Variants in SYNJ2 observed in about 807,000 individuals in gnomAD.
SYNJ2 encodes polyphosphatidylinositol phosphatase SYNJ2.
In SYNJ2, 116 loss-of-function variants were observed where a neutral mutation model predicts 141.3. That is an observed-to-expected ratio of 0.82 (90% CI 0.71 to 0.96). The LOEUF (loss-of-function observed/expected upper bound fraction) is 0.96, where lower values mean the gene tolerates loss of function less well. SYNJ2 is among the 40% of genes least tolerant of loss of function. The pLI, the probability that SYNJ2 is intolerant of heterozygous loss-of-function variation, is 0.00. For synonymous variants in SYNJ2, 745 were observed against 777.7 expected (o/e 0.96, Z 0.70); for missense variants, 1,873 against 1,934.8 (o/e 0.97, Z 0.60).
Position 158,072,769 on chromosome 6 carries a change from T to A in SYNJ2, c.2133+975T>A, listed in dbSNP as rs112640369. ...AAAAAAAAAGTCTAACCCTTCTCACTTAAAAATAGCTACTTTGGGGCCAGG... is the reference window on the plus strand; with the variant it reads ...AAAAAAAAAGTCTAACCCTTCTCACATAAAAATAGCTACTTTGGGGCCAGG... On this transcript the variant is annotated intron_variant, in intron 15 of 26. Transcript: ENST00000355585. 2.1e-3 allele frequency among the ~76,000 whole-genome samples: 314 copies of A among 151,250 alleles called. 2 individuals carry two copies. The highest frequency in any genetic ancestry group is 7.3e-3 in the African/African-American group (300 of 41,184).
chr6:157,985,337 A>C (rs1299336633), intron 1 of SYNJ2, among the ~76,000 whole-genome samples: 2 of 152,208 alleles, frequency 1.3e-5, no homozygotes, highest in Non-Finnish European at 1.5e-5. Context: ...ATTATTCCAA[A>C]TTCCTGCTTC....
intron 5 of SYNJ2, among the ~76,000 whole-genome samples, chr6:158,048,690 C>G (rs1175189490): frequency 6.6e-6 from 1 of 152,192 alleles, no homozygotes; most frequent in African/African-American, 2.4e-5. Context: ...CCACTCGGTG[C>G]TGTGCTGGCA....
chr6:158,063,980 A>T, intron 9 of SYNJ2, 108 bp downstream of exon 9: 1 of 1,155,846 alleles, frequency 8.7e-7, no homozygotes, highest in Non-Finnish European at 1.3e-6. Flanking sequence ...GGCATCACCA[A>T]GACAACCTTC....
At chr6:158,037,217 G>A (rs1034421894) in intron 4 of SYNJ2, among the ~76,000 whole-genome samples, 1 of 152,046 alleles carries the variant, frequency 6.6e-6, no homozygotes, top group East Asian at 1.9e-4. Context: ...CTGTCTCTTC[G>A]AAGTCCCCCT....
chr6:158,084,052 C>T lies in SYNJ2; in HGVS notation c.3086C>T (p.Pro1029Leu). Reference sequence around the variant, plus strand: ...TACTTGGTGGATGAATTCAATCAGCCTGGAGTCTCGGACAGTGAACTCGGG... The same window carrying T: ...TACTTGGTGGATGAATTCAATCAGCTTGGAGTCTCGGACAGTGAACTCGGG... ...EDYLVDEFNQPGVSDSELGGD... is the reference protein window; with the variant it reads ...EDYLVDEFNQLGVSDSELGGD... The change falls in exon 22 of 27, where the codon CCT becomes CTT. Residue 1029 changes from proline to leucine, a missense_variant. Physicochemically the swap from Pro to Leu is moderately conservative, Grantham distance 98. Transcript: ENST00000355585. The surrounding 1 kb of genome is among the most constrained non-coding windows in gnomAD (Gnocchi z 5.0). 6.2e-7 allele frequency: 1 copy of T among 1,614,132 alleles called. No homozygotes were observed.
chr6:158,076,583 T>C (rs1239503577), intron 16 of SYNJ2, 43 bp from the exon 17 acceptor site: 1 of 1,582,358 alleles, frequency 6.3e-7, no homozygotes, highest in African/African-American at 1.4e-5. Flanking sequence ...ACATTCAGGA[T>C]CGAAAACTAC....
chr6:158,061,857 T>G (rs562180923), intron 7 of SYNJ2, 135 bp from the exon 8 acceptor site: 193 of 895,166 alleles, frequency 2.2e-4, no homozygotes, highest in Non-Finnish European at 3.1e-4. Flanking sequence ...CCTGGTCCAC[T>G]GTGAGCTTCC....
chr6:158,076,149 C>CTGGATT (rs1782270101), intron 16 of SYNJ2, among the ~76,000 whole-genome samples: 1 of 152,220 alleles, frequency 6.6e-6, no homozygotes, highest in Non-Finnish European at 1.5e-5. Flanking sequence ...GATTGCACCA[C>CTGGATT]TGTATTCCAG....
At chr6:158,064,511 A>G in intron 9 of SYNJ2, 90 bp from the exon 10 acceptor site, 1 of 1,514,678 alleles carries the variant, frequency 6.6e-7, no homozygotes, top group East Asian at 2.3e-5. Flanking sequence ...AGCGTAATCC[A>G]CAGGCTGCCG....
intron 6 of SYNJ2, 108 bp downstream of exon 6, chr6:158,055,136 C>A: frequency 8.5e-7 from 1 of 1,169,642 alleles, no homozygotes; most frequent in South Asian, 1.4e-5. Flanking sequence ...ACCCTGAACC[C>A]TGAATCTAAA....
chr6:158,033,333 C>T (rs921447536), intron 3 of SYNJ2, 122 bp from the exon 4 acceptor site: 2 of 983,502 alleles, frequency 2.0e-6, no homozygotes, highest in Non-Finnish European at 3.0e-6. Context: ...GAGCAGCATG[C>T]ATTCGCTGAC....
At chr6:158,074,490 T>C (rs1562386040) in intron 15 of SYNJ2, 90 bp from the exon 16 acceptor site, 3 of 1,388,674 alleles carry the variant, frequency 2.2e-6, no homozygotes, top group Non-Finnish European at 3.0e-6. Context: ...AGAAAAATAC[T>C]CCTGCTTGCC....
chr6:158,078,754 A>C (rs1341058294), intron 18 of SYNJ2: 1 of 152,494 alleles, frequency 6.6e-6, no homozygotes, highest in Non-Finnish European at 1.4e-5. Context: ...ATGATTACAA[A>C]CACCATAGGG....
chr6:157,999,338 C>T (rs547451731), intron 1 of SYNJ2, among the ~76,000 whole-genome samples: 10 of 152,354 alleles, frequency 6.6e-5, no homozygotes, highest in African/African-American at 9.6e-5. Flanking sequence ...TGGCAGGCAG[C>T]GCACTCTGCT....
chr6:157,991,890 CT>C (rs372042901), intron 1 of SYNJ2, among the ~76,000 whole-genome samples: 127 of 148,100 alleles, frequency 8.6e-4, no homozygotes, highest in African/African-American at 3.1e-3. Flanking sequence ...TTGAAGCTTA[CT>C]TTGGGAATGC....
chr6:158,025,521 C>T (rs1778996027), intron 2 of SYNJ2, among the ~76,000 whole-genome samples: 2 of 151,176 alleles, frequency 1.3e-5, no homozygotes, highest in East Asian at 1.9e-4. Flanking sequence ...ACCAAAAATA[C>T]AAAAAATTAG....
intron 3 of SYNJ2, among the ~76,000 whole-genome samples, chr6:158,029,871 G>A (rs749639081): frequency 2.6e-5 from 4 of 152,164 alleles, no homozygotes; most frequent in African/African-American, 4.8e-5. Context: ...AGAGACTGAG[G>A]CACGAATAGT....
intron 1 of SYNJ2, among the ~76,000 whole-genome samples, chr6:158,010,962 G>T (rs987143963): frequency 7.9e-5 from 12 of 151,362 alleles, no homozygotes; most frequent in African/African-American, 2.2e-4. Context: ...GACAGGACAT[G>T]TGGGGAGGGG....
intron 1 of SYNJ2, among the ~76,000 whole-genome samples, chr6:158,002,571 A>G (rs1777903629): frequency 1.3e-5 from 2 of 152,228 alleles, no homozygotes; most frequent in Non-Finnish European, 1.5e-5. Flanking sequence ...TAGGACCTAA[A>G]TTAGGGGTGA....
Sources: gnomAD v4.1 joint callset for allele counts (sites outside exome capture counted in the v4.1 genomes callset) on GRCh38, gnomAD v4.1.1 for gene constraint, Gnocchi (gnomAD v3.1) non-coding constraint, MANE v1.5 for transcripts, NCBI Gene and HGNC (gene_info 2026-07-23, HGNC 2026-07-21) for gene names.